OPA3: variants seen among roughly 807,000 people sequenced by gnomAD.
OPA3 encodes optic atrophy 3 protein.
OPA3 carries 6 observed loss-of-function variants against 4.0 expected under a neutral mutation model. The observed-to-expected ratio is 1.51, with a 90% CI of 0.83 to 2.99. The LOEUF (loss-of-function observed/expected upper bound fraction) is 2.99. OPA3 is among the 30% of genes most tolerant of loss of function. The probability of loss-of-function intolerance (pLI) is 0.00; values close to 1 mark genes in which losing one functional copy is unlikely to be tolerated. For synonymous variants in OPA3, 105 were observed against 117.1 expected (o/e 0.90, Z 0.67); for missense variants, 235 against 256.2 (o/e 0.92, Z 0.56).
Position 45,584,755 on chromosome 19 carries a change from C to T in OPA3, c.10G>A (p.Gly4Ser), listed in dbSNP as rs1289317629. 1 of 1,613,842 alleles carries T rather than the reference C, an allele frequency of 6.2e-7. No homozygotes were observed. The highest frequency in any genetic ancestry group is 8.5e-7 in the Non-Finnish European group (1 of 1,180,044). The change falls in exon 1 of 2, where the codon GGC becomes AGC. Residue 4 changes from glycine to serine, a missense_variant. Physicochemically the swap from Gly to Ser is moderately conservative, Grantham distance 56 (BLOSUM62 0). Coordinates refer to ENST00000263275, the MANE Select transcript of OPA3 (RefSeq NM_025136.4). MVV[G>S]AFPMAKLLYL... ...AGCAGCTTCGCCATAGGGAACGCGC[C>T]CACCACCATCTTGGCGGTCTCACAG...
chr19:45,580,656 TC>T (rs1204720013), intron 1 of OPA3, among the ~76,000 whole-genome samples: 2 of 150,674 alleles, frequency 1.3e-5, no homozygotes, highest in Non-Finnish European at 2.9e-5. Context: ...TCTCGCTCTG[TC>T]GCCCAAGCTG....
At chr19:45,544,324 T>C (rs1599955294), downstream of OPA3, among the ~76,000 whole-genome samples, 1 of 152,300 alleles carries the variant, frequency 6.6e-6, no homozygotes, top group Non-Finnish European at 1.5e-5. Context: ...AATAAACAAA[T>C]TGTGGTCTAG....
intron 1 of OPA3, among the ~76,000 whole-genome samples, chr19:45,581,778 T>A (rs573277771): frequency 6.6e-6 from 1 of 152,104 alleles, no homozygotes; most frequent in African/African-American, 2.4e-5. Flanking sequence ...TCACGCAGAG[T>A]TGGCTGTGCG....
intron 1 of OPA3, among the ~76,000 whole-genome samples, chr19:45,576,360 A>C (rs1969767160): frequency 6.6e-6 from 1 of 152,076 alleles, no homozygotes; most frequent in South Asian, 2.1e-4. Flanking sequence ...GTGAAACCCT[A>C]TCTCTACTAA....
intron 1 of OPA3, among the ~76,000 whole-genome samples, chr19:45,554,641 G>A (rs1969393816): frequency 6.6e-6 from 1 of 152,174 alleles, no homozygotes; most frequent in Non-Finnish European, 1.5e-5. Context: ...GCTGCATCCT[G>A]ACTCACTCCT....
At chr19:45,544,547 C>A (rs1010527589), downstream of OPA3, among the ~76,000 whole-genome samples, 2 of 152,174 alleles carry the variant, frequency 1.3e-5, no homozygotes, top group African/African-American at 4.8e-5. Flanking sequence ...GTAATCCCAG[C>A]ACTTTGGGAG....
At chr19:45,537,319 C>T (rs1428645516) in intron 1 of OPA3, among the ~76,000 whole-genome samples, 1 of 143,292 alleles carries the variant, frequency 7.0e-6, no homozygotes, top group Non-Finnish European at 1.5e-5. Context: ...ATCACTTAAG[C>T]CCGAGAGTTG....
chr19:45,563,305 G>A lies in OPA3; in HGVS notation c.143-9394C>T, dbSNP rs552383261. 2.6e-4 allele frequency among the ~76,000 whole-genome samples: 39 copies of A among 152,040 alleles called. No individual in the cohort carries two copies. The South Asian group carries it at 3.7e-3, about 15-fold the overall frequency. ...CTCCTGAGTAGCTGGGACTACAGGC[G>A]CCCGCCACCATGCCCAGCTAATTTT... On this transcript the variant is annotated intron_variant, in intron 1 of 1. Transcript: ENST00000263275.
intron 1 of OPA3, among the ~76,000 whole-genome samples, chr19:45,576,620 G>C (rs757290462): frequency 6.6e-6 from 1 of 150,450 alleles, no homozygotes; most frequent in African/African-American, 2.5e-5. Context: ...CCTTTCTGAA[G>C]TCTCCAGTGG....
In OPA3 at chr19:45,553,424, A is replaced by C; in HGVS notation, c.*90T>G. On this transcript the variant is annotated 3_prime_UTR_variant, in exon 2 of 2. Transcript: ENST00000263275. Reference sequence around the variant, plus strand: ...TTGCATCAAGATCCTGGTGGTTTCCACTGGGCCAGCGCAGGCAAGGGTGGT... The same window carrying C: ...TTGCATCAAGATCCTGGTGGTTTCCCCTGGGCCAGCGCAGGCAAGGGTGGT... The C allele has an allele frequency of 6.3e-7, 1 of 1,599,460 alleles. No individual in the cohort carries two copies. Among genetic ancestry groups the C allele is most frequent in the East Asian group, 2.2e-5 (1 of 44,838 alleles).
chr19:45,575,435 T>C (rs1237360729), intron 1 of OPA3, among the ~76,000 whole-genome samples: 2 of 152,046 alleles, frequency 1.3e-5, no homozygotes, highest in African/African-American at 2.4e-5. Flanking sequence ...CAGATGGCTA[T>C]GTAGAAAAAG....
In OPA3 at chr19:45,553,503, C is replaced by G. The variant is rs1302975195; in HGVS notation, c.*11G>C. On this transcript the variant is annotated 3_prime_UTR_variant, in exon 2 of 2. Coordinates refer to ENST00000263275, the MANE Select transcript of OPA3 (RefSeq NM_025136.4). ...GGCCATGTCCAAATTCAGGTTCCAT[C>G]CAGCAAGCTCCTATTTCTTGGACGC... 17 of 1,612,746 alleles carry G rather than the reference C, an allele frequency of 1.1e-5. No individual in the cohort carries two copies. Among genetic ancestry groups the G allele is most frequent in the Non-Finnish European group, 1.4e-5 (17 of 1,179,996 alleles).
chr19:45,554,052 A>G (rs1371269215), intron 1 of OPA3, 141 bp from the exon 2 acceptor site: 1 of 685,466 alleles, frequency 1.5e-6, no homozygotes, highest in Non-Finnish European at 2.4e-6. Flanking sequence ...AGCAGCCAGG[A>G]ATAAGAAACA....
intron 1 of OPA3, among the ~76,000 whole-genome samples, chr19:45,539,881 G>A (rs1401787390): frequency 6.6e-6 from 1 of 152,156 alleles, no homozygotes; most frequent in East Asian, 1.9e-4. Context: ...GATTTTTAGG[G>A]GCTGAAGGAA....
Position 45,550,107 on chromosome 19 carries a change from G to A in OPA3, c.*3407C>T, listed in dbSNP as rs541235547. 1.3e-4 allele frequency: 90 copies of A among 692,488 alleles called. 1 individual carries two copies. The African/African-American group carries it at 1.5e-3, about 12-fold the overall frequency. 42.9% of individuals were successfully genotyped at this position (692,488 alleles called of 1,614,324 possible). A position where few individuals can be genotyped will look rare whatever the true frequency, so the allele number is the denominator to read the frequency against. Reference sequence around the variant, plus strand: ...TGGGAGGTAGAAGTTGCAGTGAGCCGAGATTGCACCACTGCACTCCGTCAG... The same window carrying A: ...TGGGAGGTAGAAGTTGCAGTGAGCCAAGATTGCACCACTGCACTCCGTCAG... On this transcript the variant is annotated 3_prime_UTR_variant, in exon 2 of 2. Coordinates refer to ENST00000263275, the MANE Select transcript of OPA3 (RefSeq NM_025136.4).
chr19:45,529,718 C>A (rs906613696), intron 1 of OPA3, among the ~76,000 whole-genome samples: 3 of 152,072 alleles, frequency 2.0e-5, no homozygotes, highest in Non-Finnish European at 4.4e-5. Flanking sequence ...GATGCTGATG[C>A]TCTTTTTTTT....
intron 1 of OPA3, among the ~76,000 whole-genome samples, chr19:45,572,348 A>G (rs148898710): frequency 0.07 from 8,069 of 115,542 alleles, 908 homozygotes; most frequent in Non-Finnish European, 0.1. Flanking sequence ...TCTCATATAT[A>G]TCGACATATA....
intron 1 of OPA3, among the ~76,000 whole-genome samples, chr19:45,573,337 G>C (rs1969716798): frequency 6.6e-6 from 1 of 152,014 alleles, no homozygotes; most frequent in Non-Finnish European, 1.5e-5. Flanking sequence ...TGTAATCTCA[G>C]CTACTCGGGA....
chr19:45,583,792 G>A (rs910778840), intron 1 of OPA3, among the ~76,000 whole-genome samples: 1 of 152,192 alleles, frequency 6.6e-6, no homozygotes, highest in Non-Finnish European at 1.5e-5. Context: ...GTGAGCCACC[G>A]CGCCGGACCT....
Sources: gnomAD v4.1 joint callset for allele counts (sites outside exome capture counted in the v4.1 genomes callset) on GRCh38, gnomAD v4.1.1 for gene constraint, MANE v1.5 for transcripts, NCBI Gene and HGNC (gene_info 2026-07-23, HGNC 2026-07-21) for gene names.